Variants in TTYH2 observed in about 807,000 individuals in gnomAD.
TTYH2 encodes tweety family member 2.
A neutral mutation model predicts 68.3 loss-of-function variants in TTYH2; 49 were observed. The ratio of observed to expected loss-of-function variants is 0.72; its 90% CI spans 0.57 to 0.91. The LOEUF is 0.91. Among genes scored for constraint, TTYH2 ranks in the 40% least tolerant of loss-of-function variants. The pLI is 0.00. For missense variants in TTYH2, 631 were observed against 700.4 expected, an observed-to-expected ratio of 0.90 and a Z score of 1.12; for synonymous variants, 272 against 300.8, an observed-to-expected ratio of 0.90 and a Z score of 0.99.
rs2050401585 is a variant in TTYH2, at chr17:74,232,622, C to T, written c.414+1623C>T. The stretch of plus-strand genomic sequence containing the variant: ...CCCTGGTGGGGAAGGGCCCCATGGT[C>T]ACTGCCCTCTAGGCTCTCTCTGCCC... On this transcript the variant is annotated intron_variant, in intron 3 of 13. Coordinates refer to ENST00000269346, the MANE Select transcript of TTYH2 (RefSeq NM_032646.6). The surrounding 1 kb of genome is among the most constrained non-coding windows in gnomAD (Gnocchi z 5.1). Among the ~76,000 whole-genome samples the T allele has an allele frequency of 1.3e-5, 2 of 152,134 alleles. No individual in the cohort carries two copies. Among genetic ancestry groups the T allele is most frequent in the Non-Finnish European group, 2.9e-5 (2 of 67,986 alleles).
At position 74,250,115 on chromosome 17, in the gene TTYH2, C is replaced by T. The variant is rs2050605382; in HGVS notation, c.1023+87C>T. On this transcript the variant is annotated intron_variant, in intron 9 of 13. Transcript: ENST00000269346. The stretch of plus-strand genomic sequence containing the variant: ...CCCGGCCCCAGGGCCAGGCTGTGCA[C>T]AGCTTGCTGCTGGCTCTCTGTTCTC... 3.9e-6 allele frequency: 6 copies of T among 1,526,064 alleles called. No individual in the cohort carries two copies. In the South Asian group the frequency reaches 6.9e-5, roughly 17 times the overall value. The allele number at this position is 1,526,064 out of a possible 1,614,324, so 94.5% of individuals were successfully genotyped here.
At chr17:74,240,665 C>T (rs1267635572) in intron 4 of TTYH2, 1 of 152,184 alleles carries the variant, frequency 6.6e-6, no homozygotes, top group East Asian at 1.9e-4. Context: ...CATTTTTATA[C>T]AAGGCGGGGC....
At chr17:74,226,564 G>A (rs2050332351) in intron 2 of TTYH2, among the ~76,000 whole-genome samples, 1 of 152,154 alleles carries the variant, frequency 6.6e-6, no homozygotes, top group Non-Finnish European at 1.5e-5. Context: ...GGAGGGGCAG[G>A]AAGGAGAGTC....
intron 6 of TTYH2, among the ~76,000 whole-genome samples, chr17:74,244,764 G>A (rs563260716): frequency 1.3e-5 from 2 of 152,288 alleles, no homozygotes; most frequent in South Asian, 2.1e-4. Flanking sequence ...CCAAGAGGAC[G>A]TGATGTTTGC....
In TTYH2 at chr17:74,213,654, G is replaced by T. The variant is rs747315762; in HGVS notation, c.67G>T (p.Val23Phe). 7.4e-5 allele frequency: 120 copies of T among 1,612,430 alleles called. No homozygotes were observed. The East Asian group carries it at 2.2e-3, about 30-fold the overall frequency. Residue 23 changes from valine (V) to phenylalanine (F), a missense_variant, in exon 1 of 14, where the codon GTC becomes TTC. Coordinates refer to ENST00000269346, the MANE Select transcript of TTYH2 (RefSeq NM_032646.6). This position sits in a 1 kb window ranked among gnomAD's most constrained non-coding sequence, Gnocchi z 6.1. ...CGTGTGGCTGCACAGCGTCCCGCAC[G>T]TCGGCCTGCGCCTGCAGCCCGTGAA... is the stretch of plus-strand genomic sequence containing the variant. ...WVVWLHSVPH[V>F]GLRLQPVNST...
At chr17:74,249,126 G>C in intron 7 of TTYH2, 46 bp downstream of exon 7, 1 of 1,611,060 alleles carries the variant, frequency 6.2e-7, no homozygotes, top group Middle Eastern at 1.7e-4. Flanking sequence ...ATAGGTGGCC[G>C]GACTCTGTGC....
intron 4 of TTYH2, among the ~76,000 whole-genome samples, chr17:74,242,918 A>C (rs185711735): frequency 7.2e-4 from 110 of 152,310 alleles, no homozygotes; most frequent in African/African-American, 2.6e-3. Flanking sequence ...GCAGAAAGAC[A>C]CTTCAGAGCT....
chr17:74,259,915 T>C (rs1185635690), intron 13 of TTYH2, among the ~76,000 whole-genome samples: 1 of 152,118 alleles, frequency 6.6e-6, no homozygotes, highest in Non-Finnish European at 1.5e-5. Context: ...GGGTGTGTGC[T>C]GGGGCGGAGT....
chr17:74,253,239 T>C lies in TTYH2; in HGVS notation c.1418T>C (p.Ile473Thr). ...AGCCTGCAGCCCCCGGCCCAGACCA[T>C]CTCCAACGCCCCTGTCTCCGAGTAC... ...QTSLQPPAQT[I>T]SNAPVSEYMN... The change falls in exon 12 of 14, where the codon ATC becomes ACC. Residue 473 changes from isoleucine to threonine, a missense_variant. By Grantham distance (89) the Ile-to-Thr change is moderately conservative. Coordinates refer to ENST00000269346, the MANE Select transcript of TTYH2 (RefSeq NM_032646.6). 2 of 1,606,240 alleles carry C rather than the reference T, an allele frequency of 1.2e-6. No individual in the cohort carries two copies. Among genetic ancestry groups the C allele is most frequent in the Non-Finnish European group, 1.7e-6 (2 of 1,177,146 alleles).
Position 74,223,151 on chromosome 17 carries a change from C to T in TTYH2, c.302+494C>T, listed in dbSNP as rs545987273. ...AAAGATGGGGTCTCACTCTGTTACC[C>T]AGGCTAGAGTGCAGTGGTGCGATCA... On this transcript the variant is annotated intron_variant, in intron 2 of 13. Coordinates refer to ENST00000269346, the MANE Select transcript of TTYH2 (RefSeq NM_032646.6). Among the ~76,000 whole-genome samples, 6 of 152,244 alleles carry T rather than the reference C, an allele frequency of 3.9e-5. No homozygotes were observed. In the South Asian group the frequency reaches 1.2e-3, roughly 32 times the overall value.
Position 74,216,935 on chromosome 17 carries a change from A to G in TTYH2, c.129+3219A>G, listed in dbSNP as rs574530540. On this transcript the variant is annotated intron_variant, in intron 1 of 13. Transcript: ENST00000269346. ...GAAGCCTGTGGCCAGTGCCTGGCAC[A>G]CTGGAAACTGCTACAATCACTGCTT... Among the ~76,000 whole-genome samples the G allele has an allele frequency of 3.0e-3, 460 of 152,382 alleles. 2 individuals carry two copies. The highest frequency in any genetic ancestry group is 5.6e-3 in the Non-Finnish European group (378 of 68,040).
rs1158322273 is a variant in TTYH2, at chr17:74,261,946, G to T, written c.*1737G>T. 1 of 152,640 alleles carries T rather than the reference G, an allele frequency of 6.6e-6. No individual in the cohort carries two copies. The highest frequency in any genetic ancestry group is 2.4e-5 in the African/African-American group (1 of 41,452). 9.5% of individuals were successfully genotyped at this position (152,640 alleles called of 1,614,324 possible). On this transcript the variant is annotated 3_prime_UTR_variant, in exon 14 of 14. Transcript: ENST00000269346. ...ACAGATTCCTCGGGGAGTTCCTGAA[G>T]GAACCAGGTGGGCAAACCTTTGCTT... is the stretch of plus-strand genomic sequence containing the variant.
At chr17:74,244,783 A>G (rs1480125300) in intron 6 of TTYH2, among the ~76,000 whole-genome samples, 1 of 152,030 alleles carries the variant, frequency 6.6e-6, no homozygotes, top group Non-Finnish European at 1.5e-5. Flanking sequence ...GCTGTTGACA[A>G]AGTTCCAGCC....
chr17:74,231,012 G>A lies in TTYH2; in HGVS notation c.414+13G>A. On this transcript the variant is annotated intron_variant, in intron 3 of 13. Transcript: ENST00000269346. ...GATCGATGCTCTGGTAAGGCTCCCG[G>A]GCAGCTGGCCGGGTACAGGCACAGC... 1 of 1,612,392 alleles carries A rather than the reference G, an allele frequency of 6.2e-7. No individual in the cohort carries two copies. The highest frequency in any genetic ancestry group is 8.5e-7 in the Non-Finnish European group (1 of 1,179,036).
intron 2 of TTYH2, among the ~76,000 whole-genome samples, chr17:74,230,360 G>A (rs532917529): frequency 6.6e-6 from 1 of 152,104 alleles, no homozygotes; most frequent in African/African-American, 2.4e-5. Flanking sequence ...CTCCCAAAGT[G>A]TTGGGATCAC....
Position 74,215,806 on chromosome 17 carries a change from TC to T in TTYH2, c.129+2093del. The T allele has an allele frequency of 7.7e-7, 1 of 1,297,604 alleles. No individual in the cohort carries two copies. Among genetic ancestry groups the T allele is most frequent in the Non-Finnish European group, 1.1e-6 (1 of 933,000 alleles). The allele number at this position is 1,297,604 out of a possible 1,614,324, so 80.4% of individuals were successfully genotyped here. A position where few individuals can be genotyped will look rare whatever the true frequency, so the allele number is the denominator to read the frequency against. On this transcript the variant is annotated intron_variant, in intron 1 of 13. Coordinates refer to ENST00000269346, the MANE Select transcript of TTYH2 (RefSeq NM_032646.6). The surrounding 1 kb of genome is among the most constrained non-coding windows in gnomAD (Gnocchi z 4.3). ...ACAGAGTCAGGTGGACCGTCGGTCA[TC>T]CCAGTCTTCAGCAAGCTTGACTGGA...
intron 3 of TTYH2, among the ~76,000 whole-genome samples, chr17:74,236,936 G>A (rs1288814968): frequency 7.0e-6 from 1 of 143,036 alleles, no homozygotes; most frequent in Non-Finnish European, 1.5e-5. Context: ...CACTCTTGTC[G>A]CCCAGGCTGG....
chr17:74,232,067 C>A lies in TTYH2; in HGVS notation c.414+1068C>A, dbSNP rs553423666. ...CCACAGTTTGACCTTGGCCCCCACACACGTCATTCTCACTCTAAGCACCAG... is the reference window on the plus strand; with the variant it reads ...CCACAGTTTGACCTTGGCCCCCACAAACGTCATTCTCACTCTAAGCACCAG... On this transcript the variant is annotated intron_variant, in intron 3 of 13. Coordinates refer to ENST00000269346, the MANE Select transcript of TTYH2 (RefSeq NM_032646.6). This position sits in a 1 kb window ranked among gnomAD's most constrained non-coding sequence, Gnocchi z 5.1. Among the ~76,000 whole-genome samples, 103 of 152,330 alleles carry A rather than the reference C, an allele frequency of 6.8e-4. No homozygotes were observed. The highest frequency in any genetic ancestry group is 1.1e-3 in the Non-Finnish European group (76 of 68,018).
intron 2 of TTYH2, among the ~76,000 whole-genome samples, chr17:74,225,164 G>A (rs1488420212): frequency 3.3e-5 from 5 of 152,038 alleles, no homozygotes; most frequent in African/African-American, 7.2e-5. Flanking sequence ...CAGGGGAGGC[G>A]GAGACACCTC....
Sources: allele counts gnomAD v4.1 joint callset (sites outside exome capture counted in the v4.1 genomes callset), GRCh38; gene constraint gnomAD v4.1.1; non-coding constraint Gnocchi (gnomAD v3.1); transcripts MANE v1.5; gene names NCBI Gene and HGNC (gene_info 2026-07-23, HGNC 2026-07-21).